The following TESMIN variants were observed in gnomAD, a reference collection of about 807,000 sequenced individuals.
The protein encoded by TESMIN is CXC domain containing 2.
A neutral mutation model predicts 47.4 loss-of-function variants in TESMIN; 34 were observed. The ratio of observed to expected loss-of-function variants is 0.72; its 90% confidence interval spans 0.55 to 0.96. The LOEUF (loss-of-function observed/expected upper bound fraction) is 0.96. Among genes scored for constraint, TESMIN ranks in the 40% least tolerant of loss-of-function variants. The pLI is 0.00. For missense variants in TESMIN, 610 were observed against 637.2 expected (o/e 0.96, Z 0.46); for synonymous variants, 278 against 258.9 (o/e 1.07, Z -0.71).
At chr11:68,736,039 G>A in intron 6 of TESMIN, 4 of 963,942 alleles carry the variant, frequency 4.1e-6, no homozygotes, top group Non-Finnish European at 4.9e-6. Context: ...AGTTAGAAGA[G>A]ATGTGGACAA....
intron 6 of TESMIN, among the ~76,000 whole-genome samples, chr11:68,719,422 G>T (rs1946179302): frequency 6.6e-6 from 1 of 152,206 alleles, no homozygotes; most frequent in African/African-American, 2.4e-5. Flanking sequence ...TCATGTCTGG[G>T]TGTGGGAAAT....
At chr11:68,747,121 C>T (rs530488637) in intron 3 of TESMIN, 87 bp downstream of exon 3, 9 of 1,444,008 alleles carry the variant, frequency 6.2e-6, no homozygotes, top group South Asian at 2.3e-5. Flanking sequence ...AAATGAAAAA[C>T]GAGTGAAATG....
chr11:68,721,408 G>A (rs1318872027), intron 6 of TESMIN, among the ~76,000 whole-genome samples: 5 of 151,972 alleles, frequency 3.3e-5, no homozygotes, highest in African/African-American at 4.8e-5. Flanking sequence ...AGCCTTCCCC[G>A]ACTGCCATGC....
chr11:68,734,513 C>A (rs554987602), intron 6 of TESMIN, among the ~76,000 whole-genome samples: 1 of 152,184 alleles, frequency 6.6e-6, no homozygotes, highest in Non-Finnish European at 1.5e-5. Flanking sequence ...TGACAAAAAC[C>A]AAACTAGATG....
chr11:68,743,970 G>A (rs1039177233), intron 4 of TESMIN, among the ~76,000 whole-genome samples: 12 of 152,192 alleles, frequency 7.9e-5, no homozygotes, highest in Non-Finnish European at 1.6e-4. Flanking sequence ...TTTGTCATGT[G>A]CCAGGAGGAA....
chr11:68,706,993 C>T (rs1166727267), downstream of TESMIN, among the ~76,000 whole-genome samples: 4 of 152,174 alleles, frequency 2.6e-5, no homozygotes, highest in African/African-American at 9.7e-5. Flanking sequence ...CTGTTCGCCG[C>T]GATGCTGACA....
chr11:68,714,891 A>G (rs1393320522), intron 7 of TESMIN, among the ~76,000 whole-genome samples: 1 of 152,230 alleles, frequency 6.6e-6, no homozygotes, highest in Non-Finnish European at 1.5e-5. Context: ...ATGTATGAAA[A>G]TTCCAACCCT....
intron 4 of TESMIN, among the ~76,000 whole-genome samples, chr11:68,742,916 G>C (rs1022609597): frequency 6.8e-6 from 1 of 147,838 alleles, no homozygotes; most frequent in Non-Finnish European, 1.5e-5. Context: ...TTGCTCTGTT[G>C]CCCAGGCTGG....
At chr11:68,705,709 T>C (rs1945990874), downstream of TESMIN, among the ~76,000 whole-genome samples, 1 of 152,178 alleles carries the variant, frequency 6.6e-6, no homozygotes, top group African/African-American at 2.4e-5. Context: ...TCCGAGTTAT[T>C]TAGTAGGTAC....
Position 68,750,601 on chromosome 11 carries a change from C to G in TESMIN, c.60G>C (p.Glu20Asp). Reference protein sequence around the residue: ...LPSPEDAMVTELLSPEGPFAS... With the variant: ...LPSPEDAMVTDLLSPEGPFAS... ...CGAACGGACCCTCGGGGCTTAAGAG[C>G]TCCGTCACCATCGCATCCTCGGGGC... Residue 20 changes from glutamate to aspartate, a missense_variant, in exon 2 of 10, where the codon GAG (glutamate) becomes GAC (aspartate). By Grantham distance (45) the Glu-to-Asp change is conservative (BLOSUM62 2). Transcript: ENST00000255087. 6.2e-7 allele frequency: 1 copy of G among 1,601,248 alleles called. No individual in the cohort carries two copies. The highest frequency in any genetic ancestry group is 8.5e-7 in the Non-Finnish European group (1 of 1,174,110).
chr11:68,710,531 GT>G (rs1946051138), intron 9 of TESMIN: 2 of 231,342 alleles, frequency 8.6e-6, no homozygotes, highest in Non-Finnish European at 1.7e-5. Context: ...GCGCTGGGTC[GT>G]TGTGGCTCTA....
chr11:68,711,214 G>A (rs1175494217), intron 8 of TESMIN, among the ~76,000 whole-genome samples, 165 bp from the exon 9 acceptor site: 2 of 151,668 alleles, frequency 1.3e-5, no homozygotes, highest in Admixed American at 1.3e-4. Flanking sequence ...GAGAGCGTGT[G>A]TTGAACGTGA....
At chr11:68,736,000 C>T in intron 6 of TESMIN, 1 of 833,840 alleles carries the variant, frequency 1.2e-6, no homozygotes, top group Non-Finnish European at 1.4e-6. Context: ...AGATGGACTG[C>T]TCTCTCAGTG....
chr11:68,732,853 C>T (rs1291327204), intron 6 of TESMIN: 1 of 152,214 alleles, frequency 6.6e-6, no homozygotes, highest in Non-Finnish European at 1.5e-5. Flanking sequence ...GATTTCTACC[C>T]ACTGGTGCAC....
At chr11:68,726,261 T>C (rs1946262976) in intron 6 of TESMIN, among the ~76,000 whole-genome samples, 1 of 152,006 alleles carries the variant, frequency 6.6e-6, no homozygotes, top group African/African-American at 2.4e-5. Flanking sequence ...TCCTGGCTGG[T>C]GGGAGGGGAG....
rs1307609209 is a variant in TESMIN, at chr11:68,750,445, G to C, written c.216C>G (p.Gly72=). 1.3e-6 allele frequency: 2 copies of C among 1,575,136 alleles called. No individual in the cohort carries two copies. Among genetic ancestry groups the C allele is most frequent in the Admixed American group, 3.6e-5 (2 of 55,766 alleles). Residue 72 remains glycine (G), a synonymous_variant, in exon 2 of 10, where the codon GGC becomes GGG. Transcript: ENST00000255087. ...CCTTGACCTGGCCCTTGCAGTCGGCGCCCAGCGCGGGGTTGAACGCGTGCA... is the reference window on the plus strand; with the variant it reads ...CCTTGACCTGGCCCTTGCAGTCGGCCCCCAGCGCGGGGTTGAACGCGTGCA... ...PVLHAFNPAL[G]ADCKGQVKAK...
In TESMIN at chr11:68,715,791, G is replaced by C. The variant is rs577830084; in HGVS notation, c.1020+46C>G. ...GGTGATTTTATGAACATCTCAAACA[G>C]TTTGAAATGCTTTTAAAATGCATAC... On this transcript the variant is annotated intron_variant, in intron 7 of 9. Transcript: ENST00000255087. 6 of 1,374,966 alleles carry C rather than the reference G, an allele frequency of 4.4e-6. No individual in the cohort carries two copies. The East Asian group carries it at 9.4e-5, about 22-fold the overall frequency. 85.2% of individuals were successfully genotyped at this position (1,374,966 alleles called of 1,614,324 possible).
intron 6 of TESMIN, chr11:68,737,615 T>C (rs765520087): frequency 7.1e-6 from 7 of 985,750 alleles, no homozygotes; most frequent in Non-Finnish European, 8.4e-6. Context: ...CCTTAGACTG[T>C]GGGCCCAAAG....
chr11:68,738,220 A>C (rs1460686103), intron 6 of TESMIN: 1 of 989,968 alleles, frequency 1.0e-6, no homozygotes, highest in African/African-American at 1.7e-5. Flanking sequence ...GGAGATGTGA[A>C]GACAGATCAT....
Sources: allele counts gnomAD v4.1 joint callset (sites outside exome capture counted in the v4.1 genomes callset), GRCh38; gene constraint gnomAD v4.1.1; transcripts MANE v1.5; gene names NCBI Gene and HGNC (gene_info 2026-07-23, HGNC 2026-07-21).